Variants in NALCN observed in about 807,000 individuals in gnomAD.
The protein encoded by NALCN is sodium leak channel NALCN.
Under a neutral mutation model 225.3 loss-of-function variants are expected in NALCN, and 111 were observed. The ratio of observed to expected loss-of-function variants is 0.49; its 90% CI spans 0.42 to 0.58. NALCN has a LOEUF of 0.58. NALCN is among the 20% of genes least tolerant of loss of function. The pLI, the probability that NALCN is intolerant of heterozygous loss-of-function variation, is 0.00. For synonymous variants in NALCN, 764 were observed against 769.0 expected, an observed-to-expected ratio of 0.99 and a Z score of 0.11; for missense variants, 1,378 against 2,202.4, an observed-to-expected ratio of 0.63 and a Z score of 7.49.
intron 2 of NALCN, among the ~76,000 whole-genome samples, chr13:101,396,034 TC>T (rs2047282364): frequency 6.6e-6 from 1 of 152,102 alleles, no homozygotes; most frequent in Admixed American, 6.6e-5. Flanking sequence ...ATAGATTTTT[TC>T]TCTTTATTTT....
At chr13:101,077,461 A>G (rs2033333307) in intron 34 of NALCN, among the ~76,000 whole-genome samples, 1 of 152,156 alleles carries the variant, frequency 6.6e-6, no homozygotes, top group African/African-American at 2.4e-5. Context: ...ATGGACAGTG[A>G]AGTCCAGGCT....
At chr13:101,415,486 A>G (rs2047916993) in intron 1 of NALCN, among the ~76,000 whole-genome samples, 2 of 152,120 alleles carry the variant, frequency 1.3e-5, no homozygotes, top group African/African-American at 4.8e-5. Context: ...ATTCTAAGGT[A>G]TTTCAAGCAC....
At chr13:101,235,025 A>AT (rs765768592) in intron 12 of NALCN, among the ~76,000 whole-genome samples, 2 of 151,682 alleles carry the variant, frequency 1.3e-5, no homozygotes, top group Non-Finnish European at 1.5e-5. Context: ...CTTTCTAGTC[A>AT]TTTTTTTCCA....
At chr13:101,071,739 A>G (rs1370269794) in intron 37 of NALCN, among the ~76,000 whole-genome samples, 2 of 152,190 alleles carry the variant, frequency 1.3e-5, no homozygotes, top group African/African-American at 2.4e-5. Context: ...TCCCTTCAAG[A>G]ACTTTTCCTT....
chr13:101,330,141 C>A (rs2045110793), intron 7 of NALCN, among the ~76,000 whole-genome samples: 1 of 151,714 alleles, frequency 6.6e-6, no homozygotes, highest in Non-Finnish European at 1.5e-5. Flanking sequence ...TATTTAGACA[C>A]CTTTTTCCCT....
At chr13:101,341,396 G>GTACC (rs1204463072) in intron 7 of NALCN, among the ~76,000 whole-genome samples, 7 of 152,226 alleles carry the variant, frequency 4.6e-5, no homozygotes, top group African/African-American at 1.7e-4. Context: ...CCTCTCTGAT[G>GTACC]TACCTCCTTA....
chr13:101,398,791 G>C (rs1355007687), intron 2 of NALCN, among the ~76,000 whole-genome samples: 1 of 152,074 alleles, frequency 6.6e-6, no homozygotes, highest in South Asian at 2.1e-4. Context: ...GGTGCACAGC[G>C]TGGGGAGGGG....
chr13:101,303,090 C>T (rs2044030475), intron 7 of NALCN, among the ~76,000 whole-genome samples: 1 of 152,058 alleles, frequency 6.6e-6, no homozygotes, highest in African/African-American at 2.4e-5. Flanking sequence ...ACTTTTAAAA[C>T]ACTGTTGATT....
At chr13:101,378,548 A>C in intron 4 of NALCN, 22 bp downstream of exon 4, 1 of 1,576,066 alleles carries the variant, frequency 6.3e-7, no homozygotes, top group Non-Finnish European at 8.6e-7. Flanking sequence ...ACCTGCTTGT[A>C]ATTTAAAAAA....
At chr13:101,337,277 A>ATTATTTAT (rs3062886) in intron 7 of NALCN, among the ~76,000 whole-genome samples, 2,264 of 142,596 alleles carry the variant, frequency 0.016, 28 homozygotes, top group East Asian at 0.03. Context: ...TTTACTCTTT[A>ATTATTTAT]TTATTTATTT....
chr13:101,168,581 C>T (rs553452696), intron 15 of NALCN, among the ~76,000 whole-genome samples: 8 of 152,268 alleles, frequency 5.3e-5, no homozygotes, highest in South Asian at 4.1e-4. Flanking sequence ...CCACCGCTTT[C>T]GATATTCTCT....
At chr13:101,366,045 C>T (rs1007722245) in intron 6 of NALCN, among the ~76,000 whole-genome samples, 1 of 152,162 alleles carries the variant, frequency 6.6e-6, no homozygotes, top group Non-Finnish European at 1.5e-5. Flanking sequence ...CCTGCCAGCT[C>T]ATTTTTAAAC....
intron 36 of NALCN, 41 bp downstream of exon 36, chr13:101,074,473 G>A (rs1341137985): frequency 6.8e-7 from 1 of 1,478,172 alleles, no homozygotes. Context: ...TTACCAAAGG[G>A]TTTGCTTGAT....
At chr13:101,105,796 G>T (rs916291694) in intron 22 of NALCN, among the ~76,000 whole-genome samples, 8 of 152,176 alleles carry the variant, frequency 5.3e-5, no homozygotes, top group African/African-American at 1.7e-4. Flanking sequence ...TGGCAATCAA[G>T]AGAGAGCCAG....
intron 7 of NALCN, among the ~76,000 whole-genome samples, chr13:101,303,574 A>G (rs1358940217): frequency 6.6e-6 from 1 of 152,158 alleles, no homozygotes; most frequent in Non-Finnish European, 1.5e-5. Context: ...GATACAGACA[A>G]CATACTTAGA....
At chr13:101,066,872 C>A (rs939873840) in intron 39 of NALCN, among the ~76,000 whole-genome samples, 1 of 152,084 alleles carries the variant, frequency 6.6e-6, no homozygotes, top group South Asian at 2.1e-4. Context: ...CCCCAAATAC[C>A]CTGGCAGAAC....
At chr13:101,073,366 T>C (rs958685558) in intron 37 of NALCN, among the ~76,000 whole-genome samples, 1 of 152,214 alleles carries the variant, frequency 6.6e-6, no homozygotes. Context: ...ATTTGTTGAA[T>C]GGAACTACAA....
intron 7 of NALCN, among the ~76,000 whole-genome samples, chr13:101,316,986 C>T (rs1437969194): frequency 6.6e-6 from 1 of 152,076 alleles, no homozygotes; most frequent in Non-Finnish European, 1.5e-5. Flanking sequence ...ACCTTGTATA[C>T]TTAACCTTAA....
chr13:101,400,559 G>GTC, intron 1 of NALCN, among the ~76,000 whole-genome samples: 2 of 129,406 alleles, frequency 1.5e-5, no homozygotes, highest in African/African-American at 6.5e-5. Context: ...GTGTGTGTGT[G>GTC]TGTGTGTGTG....
Sources: gnomAD v4.1 joint callset for allele counts (sites outside exome capture counted in the v4.1 genomes callset) on GRCh38, gnomAD v4.1.1 for gene constraint, MANE v1.5 for transcripts, NCBI Gene and HGNC (gene_info 2026-07-23, HGNC 2026-07-21) for gene names.